Variants in ELAVL4 observed in about 807,000 individuals in gnomAD.
ELAVL4 encodes the protein ELAV-like protein 4.
In ELAVL4, 1 loss-of-function variant was observed where a neutral mutation model predicts 35.6. The observed-to-expected ratio is 0.03, with a 90% CI of 0.01 to 0.13. ELAVL4 has a LOEUF of 0.13. Among genes scored for constraint, ELAVL4 ranks in the 10% least tolerant of loss-of-function variants. The pLI is 1.00. For synonymous variants in ELAVL4, 156 were observed against 171.0 expected (o/e 0.91, Z 0.69); for missense variants, 267 against 464.9 (o/e 0.57, Z 3.91).
At chr1:50,118,589 G>A (rs1258739656) in intron 1 of ELAVL4, among the ~76,000 whole-genome samples, 8 of 152,102 alleles carry the variant, frequency 5.3e-5, no homozygotes, top group African/African-American at 1.4e-4. Context: ...AATGGGTCGC[G>A]TCAGGACTGG....
chr1:50,087,177 T>C (rs764415819), intron 1 of ELAVL4, among the ~76,000 whole-genome samples: 11 of 152,342 alleles, frequency 7.2e-5, no homozygotes, highest in Non-Finnish European at 1.5e-4. Flanking sequence ...CTGTACTGAA[T>C]GGATCCCCAA....
intron 1 of ELAVL4, among the ~76,000 whole-genome samples, chr1:50,124,091 T>C (rs1302424032): frequency 3.9e-5 from 6 of 152,208 alleles, no homozygotes; most frequent in African/African-American, 1.4e-4. Context: ...CCCCCTAGCT[T>C]ATGAGTGGGA....
intron 2 of ELAVL4, among the ~76,000 whole-genome samples, chr1:50,147,795 G>A (rs993243988): frequency 2.0e-5 from 3 of 152,090 alleles, no homozygotes; most frequent in African/African-American, 7.2e-5. Context: ...GGGGGTGGGA[G>A]GTGGCAAAGA....
At chr1:50,146,588 C>T (rs1232711819) in intron 2 of ELAVL4, among the ~76,000 whole-genome samples, 1 of 152,094 alleles carries the variant, frequency 6.6e-6, no homozygotes, top group Admixed American at 6.5e-5. Flanking sequence ...ATCAAATTCT[C>T]CAAATAGGGC....
chr1:50,104,168 T>A (rs1666136134), upstream of ELAVL4, among the ~76,000 whole-genome samples: 1 of 152,032 alleles, frequency 6.6e-6, no homozygotes, highest in African/African-American at 2.4e-5. Flanking sequence ...CTCTTCTCTC[T>A]CCCCCCAGTC....
At chr1:50,086,427 T>C (rs956189548) in intron 1 of ELAVL4, among the ~76,000 whole-genome samples, 1 of 151,578 alleles carries the variant, frequency 6.6e-6, no homozygotes, top group African/African-American at 2.4e-5. Context: ...TATAACTAGA[T>C]AAGATTTAAA....
intron 1 of ELAVL4, among the ~76,000 whole-genome samples, chr1:50,052,737 C>A (rs1023547162): frequency 2.0e-5 from 3 of 152,316 alleles, no homozygotes; most frequent in South Asian, 2.1e-4. Flanking sequence ...CTCAGAGGAA[C>A]CTAAACTGCC....
chr1:50,075,853 A>G (rs977768529), intron 1 of ELAVL4, among the ~76,000 whole-genome samples: 3 of 151,952 alleles, frequency 2.0e-5, no homozygotes, highest in African/African-American at 7.3e-5. Flanking sequence ...AGAGAGAGAG[A>G]GTCTCACTCT....
At chr1:50,168,546 C>G (rs1271447090) in intron 2 of ELAVL4, among the ~76,000 whole-genome samples, 2 of 152,120 alleles carry the variant, frequency 1.3e-5, no homozygotes, top group African/African-American at 4.8e-5. Flanking sequence ...GAGACAGAAT[C>G]CCTGAGTTCA....
intron 3 of ELAVL4, among the ~76,000 whole-genome samples, chr1:50,192,563 A>ACACACACACT (rs766597516): frequency 1.0e-4 from 15 of 144,438 alleles, no homozygotes; most frequent in Non-Finnish European, 2.0e-4. Context: ...ACACACACAC[A>ACACACACACT]CTCTCACCCC....
chr1:50,165,311 T>C (rs1194102836), intron 2 of ELAVL4, among the ~76,000 whole-genome samples: 1 of 151,940 alleles, frequency 6.6e-6, no homozygotes, highest in Non-Finnish European at 1.5e-5. Flanking sequence ...GCTACCACCC[T>C]TCAATCACCC....
chr1:50,189,724 TGTAA>T (rs1214031702), intron 3 of ELAVL4, among the ~76,000 whole-genome samples: 4 of 152,232 alleles, frequency 2.6e-5, no homozygotes, highest in South Asian at 2.1e-4. Context: ...TAATAATATG[TGTAA>T]GTATCTACTA....
chr1:50,192,238 G>A (rs1682761280), intron 3 of ELAVL4, among the ~76,000 whole-genome samples: 1 of 152,148 alleles, frequency 6.6e-6, no homozygotes, highest in Non-Finnish European at 1.5e-5. Flanking sequence ...AGCAGGAGGA[G>A]GCCAGGGAGG....
intron 1 of ELAVL4, among the ~76,000 whole-genome samples, chr1:50,086,560 A>C (rs1295072084): frequency 5.3e-5 from 8 of 151,740 alleles, no homozygotes; most frequent in African/African-American, 1.9e-4. Context: ...TACTAATATA[A>C]TAAGGATGCT....
intron 1 of ELAVL4, among the ~76,000 whole-genome samples, chr1:50,059,053 A>G (rs1037494929): frequency 6.6e-6 from 1 of 151,968 alleles, no homozygotes; most frequent in Non-Finnish European, 1.5e-5. Context: ...CCTGCATTAA[A>G]TTTTTCAGTC....
At chr1:50,109,819 C>T (rs1020638782) in intron 1 of ELAVL4, 11 of 1,227,528 alleles carry the variant, frequency 9.0e-6, no homozygotes, top group Non-Finnish European at 1.3e-5. Flanking sequence ...CAGTGCCTGG[C>T]GTGTTGAGTT....
chr1:50,091,947 C>T (rs1038605519), intron 1 of ELAVL4, among the ~76,000 whole-genome samples: 2 of 152,138 alleles, frequency 1.3e-5, no homozygotes, highest in Non-Finnish European at 2.9e-5. Context: ...CTTCCAAACT[C>T]TTTCGCCTAG....
At chr1:50,100,088 C>A (rs1385145434), upstream of ELAVL4, among the ~76,000 whole-genome samples, 1 of 152,112 alleles carries the variant, frequency 6.6e-6, no homozygotes, top group Non-Finnish European at 1.5e-5. Context: ...CATACGTAAG[C>A]ATGAAACTTA....
intron 1 of ELAVL4, among the ~76,000 whole-genome samples, chr1:50,070,514 G>A (rs916117523): frequency 9.2e-5 from 14 of 152,146 alleles, no homozygotes; most frequent in Non-Finnish European, 1.6e-4. Context: ...AGGCCAAGGC[G>A]GGCGGATCAT....
Sources: gnomAD v4.1 joint callset for allele counts (sites outside exome capture counted in the v4.1 genomes callset) on GRCh38, gnomAD v4.1.1 for gene constraint, MANE v1.5 for transcripts, NCBI Gene and HGNC (gene_info 2026-07-23, HGNC 2026-07-21) for gene names.